Variants in PLD5 observed in about 807,000 individuals in gnomAD.
PLD5 encodes the protein phospholipase D family member 5, also known as inactive phospholipase D5.
PLD5 carries 36 observed loss-of-function variants against 61.1 expected under a neutral mutation model. The ratio of observed to expected loss-of-function variants is 0.59; its 90% CI spans 0.45 to 0.78. PLD5 has a LOEUF of 0.78. Among genes scored for constraint, PLD5 ranks in the 30% least tolerant of loss-of-function variants. PLD5 has a pLI of 0.00. For synonymous variants in PLD5, 243 were observed against 242.8 expected (o/e 1.00, Z -0.01); for missense variants, 515 against 644.4 (o/e 0.80, Z 2.17).
intron 5 of PLD5, among the ~76,000 whole-genome samples, chr1:242,143,542 A>G (rs1664328682): frequency 6.6e-6 from 1 of 152,258 alleles, no homozygotes; most frequent in South Asian, 2.1e-4. Context: ...TTCAACTGGC[A>G]GAGTCAGGAG....
intron 4 of PLD5, among the ~76,000 whole-genome samples, chr1:242,247,653 C>A (rs1314759495): frequency 6.6e-6 from 1 of 152,182 alleles, no homozygotes; most frequent in African/African-American, 2.4e-5. Flanking sequence ...TCATCACAGC[C>A]AATAACTCAG....
intron 5 of PLD5, among the ~76,000 whole-genome samples, chr1:242,157,712 G>A (rs940515785): frequency 2.0e-5 from 3 of 152,116 alleles, no homozygotes; most frequent in East Asian, 1.9e-4. Context: ...TGGAAGCTTC[G>A]TCTCTAAAGG....
At chr1:242,363,485 C>CA (rs1463631334) in intron 1 of PLD5, among the ~76,000 whole-genome samples, 2 of 143,850 alleles carry the variant, frequency 1.4e-5, no homozygotes, top group Non-Finnish European at 3.0e-5. Flanking sequence ...TCAAAAAACC[C>CA]AAATTGTTCA....
intron 1 of PLD5, among the ~76,000 whole-genome samples, chr1:242,523,186 G>A (rs1669333414): frequency 6.6e-6 from 1 of 152,258 alleles, no homozygotes; most frequent in Admixed American, 6.5e-5. Context: ...ACTCAATTTG[G>A]ATTCTGCAGC....
At chr1:242,254,396 G>A (rs1351609702) in intron 4 of PLD5, among the ~76,000 whole-genome samples, 3 of 151,702 alleles carry the variant, frequency 2.0e-5, no homozygotes, top group South Asian at 4.2e-4. Flanking sequence ...AAGGCTGGGC[G>A]TGGTGGCTCA....
At chr1:242,116,630 A>G (rs1188017102) in intron 6 of PLD5, among the ~76,000 whole-genome samples, 9 of 151,854 alleles carry the variant, frequency 5.9e-5, no homozygotes, top group African/African-American at 1.9e-4. Flanking sequence ...TGAGTAACCA[A>G]TGTTTACCTC....
chr1:242,226,766 A>C (rs1410039754), intron 4 of PLD5, among the ~76,000 whole-genome samples: 1 of 152,232 alleles, frequency 6.6e-6, no homozygotes, highest in East Asian at 1.9e-4. Flanking sequence ...GAGACGCTTC[A>C]TTGAAATTTA....
At chr1:242,159,118 C>T (rs971607431) in intron 5 of PLD5, among the ~76,000 whole-genome samples, 1 of 152,092 alleles carries the variant, frequency 6.6e-6, no homozygotes, top group East Asian at 1.9e-4. Context: ...TTGATACGCC[C>T]CATGACTTTA....
chr1:242,465,656 C>T (rs556738303), intron 1 of PLD5, among the ~76,000 whole-genome samples: 13 of 152,326 alleles, frequency 8.5e-5, no homozygotes, highest in Admixed American at 3.9e-4. Flanking sequence ...CGGCCGGGCA[C>T]AGTGGCCTAC....
In PLD5 at chr1:242,089,941, C is replaced by G. The variant is rs771508493; in HGVS notation, c.1524G>C (p.Pro508=). ...TGAGTTTGAACAGGCTTGAGCAGTTCGGCTGTTTGGTTGGCTGTAAGGTTT... is the reference window on the plus strand; with the variant it reads ...TGAGTTTGAACAGGCTTGAGCAGTTGGGCTGTTTGGTTGGCTGTAAGGTTT... ...YAKTLQPTKQ[P]NCSSLFKLKP... is the part of the protein sequence containing the mutation. Residue 508 remains proline (P), a synonymous_variant, in exon 10 of 10, where the codon CCG becomes CCC. Coordinates refer to ENST00000536534, the MANE Select transcript of PLD5 (RefSeq NM_001372062.1). 1.9e-6 allele frequency: 3 copies of G among 1,613,974 alleles called. No individual in the cohort carries two copies. The highest frequency in any genetic ancestry group is 2.5e-6 in the Non-Finnish European group (3 of 1,180,036).
intron 2 of PLD5, among the ~76,000 whole-genome samples, chr1:242,329,803 T>C (rs1659058207): frequency 6.6e-6 from 1 of 152,174 alleles, no homozygotes; most frequent in African/African-American, 2.4e-5. Flanking sequence ...GCTTTATGTA[T>C]GCTATCTCGA....
chr1:242,448,083 GTTTAT>G (rs1168111496), intron 1 of PLD5, among the ~76,000 whole-genome samples: 3 of 152,172 alleles, frequency 2.0e-5, no homozygotes, highest in Non-Finnish European at 2.9e-5. Context: ...AGGAGAAACA[GTTTAT>G]TTTGACTTCT....
chr1:242,175,143 A>G (rs1487051609), intron 5 of PLD5, among the ~76,000 whole-genome samples: 3 of 152,220 alleles, frequency 2.0e-5, no homozygotes, highest in African/African-American at 4.8e-5. Context: ...GCAGAGACAC[A>G]GCAAAAAAAG....
chr1:242,361,637 C>T lies in PLD5; in HGVS notation c.190-13395G>A, dbSNP rs4039081. On this transcript the variant is annotated intron_variant, in intron 1 of 9. Transcript: ENST00000536534. Reference sequence around the variant, plus strand: ...CAATCTGTACTTTCACAGCAGTTTACATGCATATGAAAAGAATTGCTTTCT... The same window carrying T: ...CAATCTGTACTTTCACAGCAGTTTATATGCATATGAAAAGAATTGCTTTCT... Among the ~76,000 whole-genome samples the T allele has an allele frequency of 3.8e-3, 572 of 152,268 alleles. 4 individuals are homozygous for T. Among genetic ancestry groups the T allele is most frequent in the African/African-American group, 0.013 (546 of 41,562 alleles).
chr1:242,217,823 A>G lies in PLD5; in HGVS notation c.735+2165T>C, dbSNP rs112551756. On this transcript the variant is annotated intron_variant, in intron 5 of 9. Coordinates refer to ENST00000536534, the MANE Select transcript of PLD5 (RefSeq NM_001372062.1). ...CCTAAAGATGTGGCTGAATTGCTGC[A>G]ATCTCAGGATAAAACTTGAATGTAT... Among the ~76,000 whole-genome samples, 364 of 152,352 alleles carry G rather than the reference A, an allele frequency of 2.4e-3. 3 individuals carry two copies. The highest frequency in any genetic ancestry group is 6.8e-3 in the Middle Eastern group (2 of 294).
chr1:242,295,398 TTTTCTG>T (rs1211320208), intron 2 of PLD5, among the ~76,000 whole-genome samples: 2 of 152,224 alleles, frequency 1.3e-5, no homozygotes, highest in African/African-American at 4.8e-5. Flanking sequence ...CAGTATTCAA[TTTTCTG>T]TTTCTGAGTT....
intron 4 of PLD5, among the ~76,000 whole-genome samples, chr1:242,261,599 T>TA (rs1438960906): frequency 6.6e-6 from 1 of 152,196 alleles, no homozygotes; most frequent in African/African-American, 2.4e-5. Flanking sequence ...GAAATACATA[T>TA]ATCCAACAAA....
intron 2 of PLD5, among the ~76,000 whole-genome samples, chr1:242,328,359 T>C (rs576174793): frequency 6.6e-6 from 1 of 152,172 alleles, no homozygotes; most frequent in Non-Finnish European, 1.5e-5. Flanking sequence ...ATGTGTGTTC[T>C]ACATATGTGT....
intron 4 of PLD5, among the ~76,000 whole-genome samples, chr1:242,234,712 G>A (rs1247878227): frequency 2.6e-5 from 4 of 152,200 alleles, no homozygotes; most frequent in South Asian, 4.2e-4. Flanking sequence ...CTCCCTGGAC[G>A]TGTGGGCACC....
Sources: allele counts gnomAD v4.1 joint callset (sites outside exome capture counted in the v4.1 genomes callset), GRCh38; gene constraint gnomAD v4.1.1; transcripts MANE v1.5; gene names NCBI Gene and HGNC (gene_info 2026-07-23, HGNC 2026-07-21).